Variants in SVOPL observed in about 807,000 individuals in gnomAD.
SVOPL encodes SVOP like, also known as putative transporter SVOPL.
SVOPL carries 60 observed loss-of-function variants against 61.0 expected under a neutral mutation model. The observed-to-expected ratio is 0.98, with a 90% CI of 0.80 to 1.22. SVOPL has a LOEUF of 1.22. Ranked by LOEUF, SVOPL falls within the 50% of genes most tolerant of loss-of-function variation. The pLI is 0.00. For missense variants in SVOPL, 662 were observed against 643.9 expected, an observed-to-expected ratio of 1.03 and a Z score of -0.30; for synonymous variants, 279 against 250.0, an observed-to-expected ratio of 1.12 and a Z score of -1.09.
chr7:138,610,251 C>T (rs1798939199), intron 14 of SVOPL, among the ~76,000 whole-genome samples: 1 of 151,670 alleles, frequency 6.6e-6, no homozygotes, highest in South Asian at 2.1e-4. Context: ...TTTCTTTCTC[C>T]CCTCCCTCTC....
At chr7:138,648,953 T>G in intron 8 of SVOPL, 59 bp downstream of exon 8, 2 of 1,606,850 alleles carry the variant, frequency 1.2e-6, no homozygotes, top group South Asian at 1.1e-5. Context: ...TTGTGGGGCA[T>G]GAAGGCCACT....
chr7:138,626,190 G>C, intron 12 of SVOPL, 140 bp from the exon 13 acceptor site: 1 of 778,276 alleles, frequency 1.3e-6, no homozygotes, highest in Middle Eastern at 3.6e-4. Flanking sequence ...CTTCTCAGCT[G>C]GCCTGATTGT....
At chr7:138,641,225 T>A (rs1254514961) in intron 9 of SVOPL, among the ~76,000 whole-genome samples, 1 of 40,312 alleles carries the variant, frequency 2.5e-5, no homozygotes, top group East Asian at 1.9e-3. Flanking sequence ...AAAGCTGAAA[T>A]TATTAAAAAA....
chr7:138,643,974 C>T (rs529171219), intron 9 of SVOPL, among the ~76,000 whole-genome samples: 51 of 151,926 alleles, frequency 3.4e-4, no homozygotes, highest in African/African-American at 1.2e-3. Flanking sequence ...GAGGCCGAGG[C>T]AGGTGGATCA....
At chr7:138,672,190 A>G (rs1802438568) in intron 3 of SVOPL, 73 bp from the exon 4 acceptor site, 1 of 1,387,364 alleles carries the variant, frequency 7.2e-7, no homozygotes, top group Non-Finnish European at 1.0e-6. Flanking sequence ...CTGCCTGCCC[A>G]TCATCCTACC....
chr7:138,695,596 C>T, intron 1 of SVOPL, among the ~76,000 whole-genome samples: 1 of 152,114 alleles, frequency 6.6e-6, no homozygotes, highest in Non-Finnish European at 1.5e-5. Context: ...GAGAGGGCTC[C>T]TTCTCTTGTG....
chr7:138,631,650 C>G (rs985250173), intron 9 of SVOPL, among the ~76,000 whole-genome samples: 1 of 152,072 alleles, frequency 6.6e-6, no homozygotes, highest in African/African-American at 2.4e-5. Flanking sequence ...CTCACTGCAA[C>G]CCCTGCCTCC....
chr7:138,663,757 C>G (rs1425528645), intron 4 of SVOPL, among the ~76,000 whole-genome samples: 1 of 152,130 alleles, frequency 6.6e-6, no homozygotes, highest in Non-Finnish European at 1.5e-5. Flanking sequence ...CTCTGGGCTC[C>G]TTATTTTCCT....
Position 138,594,379 on chromosome 7 carries a change from C to A in SVOPL, c.*231G>T, listed in dbSNP as rs1411625011. On this transcript the variant is annotated 3_prime_UTR_variant, in exon 16 of 16. Coordinates refer to ENST00000674285, the MANE Select transcript of SVOPL (RefSeq NM_001139456.2). ...TCCCCCCCACCATCTCCCTCTCACA[C>A]CCCTTTGAAAGCTTAAATTATATTT... 2 of 318,404 alleles carry A rather than the reference C, an allele frequency of 6.3e-6. No individual in the cohort carries two copies. Among genetic ancestry groups the A allele is most frequent in the Admixed American group, 4.7e-5 (1 of 21,222 alleles). The allele number at this position is 318,404 out of a possible 1,614,324, so 19.7% of individuals were successfully genotyped here.
At chr7:138,596,773 C>T (rs967896439) in intron 14 of SVOPL, 17 of 1,157,484 alleles carry the variant, frequency 1.5e-5, no homozygotes, top group Admixed American at 1.3e-4. Flanking sequence ...CTCTTGGCAT[C>T]CACCTGTCAG....
chr7:138,692,745 G>A (rs1802970587), intron 1 of SVOPL, among the ~76,000 whole-genome samples: 2 of 151,978 alleles, frequency 1.3e-5, no homozygotes, highest in Admixed American at 1.3e-4. Flanking sequence ...AGATTTACAT[G>A]GCCATAAAAA....
At chr7:138,643,559 C>T (rs549137631) in intron 9 of SVOPL, among the ~76,000 whole-genome samples, 1 of 152,062 alleles carries the variant, frequency 6.6e-6, no homozygotes, top group Non-Finnish European at 1.5e-5. Flanking sequence ...CCTATCCATA[C>T]AATGAAATAT....
chr7:138,609,578 G>A (rs1289939930), intron 14 of SVOPL, among the ~76,000 whole-genome samples: 1 of 151,964 alleles, frequency 6.6e-6, no homozygotes, highest in Non-Finnish European at 1.5e-5. Flanking sequence ...AGGATCATGT[G>A]AGCCCAGGAA....
chr7:138,641,814 T>TTTTATATATATA (rs765128177), intron 9 of SVOPL, among the ~76,000 whole-genome samples: 3 of 120,972 alleles, frequency 2.5e-5, no homozygotes, highest in Non-Finnish European at 3.3e-5. Context: ...TATATATATG[T>TTTTATATATATA]TATATATATA....
chr7:138,673,776 G>A (rs1802487099), intron 3 of SVOPL, among the ~76,000 whole-genome samples: 1 of 152,172 alleles, frequency 6.6e-6, no homozygotes, highest in African/African-American at 2.4e-5. Flanking sequence ...AAACCAATAA[G>A]GAATAAAACT....
chr7:138,633,094 A>G (rs1800291460), intron 9 of SVOPL, among the ~76,000 whole-genome samples: 1 of 152,198 alleles, frequency 6.6e-6, no homozygotes, highest in Non-Finnish European at 1.5e-5. Flanking sequence ...GATTGTCAGT[A>G]TCTCAGTAGG....
chr7:138,599,763 CTG>C (rs1398332359), intron 14 of SVOPL, among the ~76,000 whole-genome samples: 12 of 151,926 alleles, frequency 7.9e-5, no homozygotes, highest in Non-Finnish European at 1.5e-4. Context: ...TGGTGTGCAC[CTG>C]TGGTCCCAGC....
chr7:138,594,745 C>G, intron 15 of SVOPL, 124 bp from the exon 16 acceptor site: 1 of 605,334 alleles, frequency 1.7e-6, no homozygotes, highest in Non-Finnish European at 2.6e-6. Flanking sequence ...GAGGGAAAAT[C>G]CTAGCATTTA....
intron 1 of SVOPL, among the ~76,000 whole-genome samples, chr7:138,685,228 G>A (rs1397663262): frequency 1.3e-5 from 2 of 152,168 alleles, no homozygotes; most frequent in African/African-American, 2.4e-5. Context: ...CACTGTGCCC[G>A]GCCACAATGG....
Sources: gnomAD v4.1 joint callset for allele counts (sites outside exome capture counted in the v4.1 genomes callset) on GRCh38, gnomAD v4.1.1 for gene constraint, MANE v1.5 for transcripts, NCBI Gene and HGNC (gene_info 2026-07-23, HGNC 2026-07-21) for gene names.